The following KIRREL3 variants were observed in gnomAD, a reference collection of about 807,000 sequenced individuals.
KIRREL3 encodes kirre like nephrin family adhesion molecule 3.
In KIRREL3, 36 loss-of-function variants were observed where a neutral mutation model predicts 89.7. That is an observed-to-expected ratio of 0.40 (90% CI 0.31 to 0.53). The LOEUF is 0.53. KIRREL3 is among the 20% of genes least tolerant of loss of function. The pLI, the probability that KIRREL3 is intolerant of heterozygous loss-of-function variation, is 0.49. For synonymous variants in KIRREL3, 445 were observed against 441.4 expected, an observed-to-expected ratio of 1.01 and a Z score of -0.10; for missense variants, 864 against 1,056.6, an observed-to-expected ratio of 0.82 and a Z score of 2.53.
Position 126,991,847 on chromosome 11 carries a change from G to A in KIRREL3, c.55+8608C>T, listed in dbSNP as rs1468953147. Among the ~76,000 whole-genome samples the A allele has an allele frequency of 6.6e-6, 1 of 152,184 alleles. No homozygotes were observed. The highest frequency in any genetic ancestry group is 1.9e-4 in the East Asian group (1 of 5,192). On this transcript the variant is annotated intron_variant, in intron 1 of 16. Transcript: ENST00000525144. This position sits in a 1 kb window ranked among gnomAD's most constrained non-coding sequence, Gnocchi z 5.8. ...CTCTCCTGCATTTTTTAGTGTTGAT[G>A]TGGAACAGCTGGATGTACCAGCATC...
At position 126,457,194 on chromosome 11, in the gene KIRREL3, T is replaced by TGTGTGTGTGTGTGTGTGTGTGTGTA. The variant is rs1555111653; in HGVS notation, c.743-741_743-740insTACACACACACACACACACACACAC. 6.9e-4 allele frequency among the ~76,000 whole-genome samples: 87 copies of TGTGTGTGTGTGTGTGTGTGTGTGTA among 125,970 alleles called. No individual in the cohort carries two copies. In the East Asian group the frequency reaches 0.02, roughly 29 times the overall value. 82.6% of individuals were successfully genotyped at this position (125,970 alleles called of 152,430 possible). On this transcript the variant is annotated intron_variant, in intron 6 of 16. Transcript: ENST00000525144. The stretch of plus-strand genomic sequence containing the variant: ...TAGAGGAAGAGAGATTATGTGTGTG[T>TGTGTGTGTGTGTGTGTGTGTGTGTA]GTGTGTGTGTGTGTGTATGTGTATG...
Position 126,656,304 on chromosome 11 carries a change from T to G in KIRREL3, c.56-93392A>C. On this transcript the variant is annotated intron_variant, in intron 1 of 16. Transcript: ENST00000525144. The surrounding 1 kb of genome is among the most constrained non-coding windows in gnomAD (Gnocchi z 4.0). ...AACCTCCATGATTCAGTTTCTTCAT[T>G]TGCAAAATAATTTAAATAAGATAAT... 1 of 331,306 alleles carries G rather than the reference T, an allele frequency of 3.0e-6. No individual in the cohort carries two copies. The highest frequency in any genetic ancestry group is 6.2e-6 in the Non-Finnish European group (1 of 162,540). The allele number at this position is 331,306 out of a possible 1,614,324, so 20.5% of individuals were successfully genotyped here.
chr11:126,441,053 G>A lies in KIRREL3; in HGVS notation c.1253-504C>T, dbSNP rs1394653390. ...ACAAATGGGAGCTGCTCGGCCAGAC[G>A]GGCCAACGGGAAGAAATGGTTGCTG... On this transcript the variant is annotated intron_variant, in intron 10 of 16. Transcript: ENST00000525144. This position sits in a 1 kb window ranked among gnomAD's most constrained non-coding sequence, Gnocchi z 5.0. 6.6e-6 allele frequency among the ~76,000 whole-genome samples: 1 copy of A among 152,228 alleles called. No individual in the cohort carries two copies. Among genetic ancestry groups the A allele is most frequent in the African/African-American group, 2.4e-5 (1 of 41,458 alleles).
At chr11:126,841,538 C>T (rs1340400757) in intron 1 of KIRREL3, among the ~76,000 whole-genome samples, 1 of 152,200 alleles carries the variant, frequency 6.6e-6, no homozygotes, top group African/African-American at 2.4e-5. Flanking sequence ...ATTCATTATT[C>T]GTTTACAGGT....
rs1387887644 is a variant in KIRREL3 at position 126,956,660 on chromosome 11, C to T, written c.55+43795G>A. On this transcript the variant is annotated intron_variant, in intron 1 of 16. Coordinates refer to ENST00000525144, the MANE Select transcript of KIRREL3 (RefSeq NM_032531.4). ...ATTTTCTTTCCCCTGGAATGTGTCACAGTCATTAATTTGTTTAATTTATTT... is the reference window on the plus strand; with the variant it reads ...ATTTTCTTTCCCCTGGAATGTGTCATAGTCATTAATTTGTTTAATTTATTT... Among the ~76,000 whole-genome samples, 6 of 152,302 alleles carry T rather than the reference C, an allele frequency of 3.9e-5. No individual in the cohort carries two copies. In the South Asian group the frequency reaches 8.3e-4, roughly 21 times the overall value.
At position 126,978,151 on chromosome 11, in the gene KIRREL3, A is replaced by G. The variant is rs1382043572; in HGVS notation, c.55+22304T>C. 6.6e-6 allele frequency among the ~76,000 whole-genome samples: 1 copy of G among 152,130 alleles called. No homozygotes were observed. Among genetic ancestry groups the G allele is most frequent in the African/African-American group, 2.4e-5 (1 of 41,422 alleles). ...GGCGTTGGATTTTTCTGCTACTTAA[A>G]TTTATGATGATGCAGGGCATGCAGG... On this transcript the variant is annotated intron_variant, in intron 1 of 16. Transcript: ENST00000525144. The surrounding 1 kb of genome is among the most constrained non-coding windows in gnomAD (Gnocchi z 4.2).
chr11:126,636,807 A>G lies in KIRREL3; in HGVS notation c.56-73895T>C, dbSNP rs1274278143. Among the ~76,000 whole-genome samples the G allele has an allele frequency of 8.5e-5, 13 of 152,184 alleles. No homozygotes were observed. The highest frequency in any genetic ancestry group is 1.3e-4 in the Non-Finnish European group (9 of 68,038). ...AGGAGTCCGGATGATCTGGACTTGA[A>G]TTTGTATCCCGGTTTAACCACTTAC... On this transcript the variant is annotated intron_variant, in intron 1 of 16. Coordinates refer to ENST00000525144, the MANE Select transcript of KIRREL3 (RefSeq NM_032531.4). This position sits in a 1 kb window ranked among gnomAD's most constrained non-coding sequence, Gnocchi z 4.4.
At chr11:126,460,519 C>T (rs1170596905) in intron 6 of KIRREL3, among the ~76,000 whole-genome samples, 1 of 152,192 alleles carries the variant, frequency 6.6e-6, no homozygotes. Context: ...TTCACCACTA[C>T]CCAGTACTGC....
At chr11:126,695,622 C>T (rs1325383317) in intron 1 of KIRREL3, among the ~76,000 whole-genome samples, 1 of 152,052 alleles carries the variant, frequency 6.6e-6, no homozygotes, top group African/African-American at 2.4e-5. Context: ...TTGACTCCTG[C>T]TCCAGGATGA....
At position 126,606,298 on chromosome 11, in the gene KIRREL3, G is replaced by A. The variant is rs979946517; in HGVS notation, c.56-43386C>T. On this transcript the variant is annotated intron_variant, in intron 1 of 16. Coordinates refer to ENST00000525144, the MANE Select transcript of KIRREL3 (RefSeq NM_032531.4). This position sits in a 1 kb window ranked among gnomAD's most constrained non-coding sequence, Gnocchi z 4.6. ...GATCTGGAGTGTGGGTTTGGATTTCGGGTGTATCACTTACTAGCTGTGTCA... is the reference window on the plus strand; with the variant it reads ...GATCTGGAGTGTGGGTTTGGATTTCAGGTGTATCACTTACTAGCTGTGTCA... Among the ~76,000 whole-genome samples the A allele has an allele frequency of 1.3e-5, 2 of 152,102 alleles. No homozygotes were observed. Among genetic ancestry groups the A allele is most frequent in the South Asian group, 2.1e-4 (1 of 4,820 alleles).
At position 126,594,389 on chromosome 11, in the gene KIRREL3, G is replaced by T. The variant is rs576922483; in HGVS notation, c.56-31477C>A. Among the ~76,000 whole-genome samples, 1 of 152,306 alleles carries T rather than the reference G, an allele frequency of 6.6e-6. No individual in the cohort carries two copies. The highest frequency in any genetic ancestry group is 2.1e-4 in the South Asian group (1 of 4,824). On this transcript the variant is annotated intron_variant, in intron 1 of 16. Transcript: ENST00000525144. The surrounding 1 kb of genome is among the most constrained non-coding windows in gnomAD (Gnocchi z 5.0). ...ACCAGAAGCTCCTCGAGGAAACTCTGCGCCCTTTAGACTCCAATCTTCTTG... is the reference window on the plus strand; with the variant it reads ...ACCAGAAGCTCCTCGAGGAAACTCTTCGCCCTTTAGACTCCAATCTTCTTG...
In KIRREL3 at chr11:126,697,910, G is replaced by A. The variant is rs1947163752; in HGVS notation, c.56-134998C>T. Among the ~76,000 whole-genome samples the A allele has an allele frequency of 6.6e-6, 1 of 152,230 alleles. No homozygotes were observed. Among genetic ancestry groups the A allele is most frequent in the Admixed American group, 6.5e-5 (1 of 15,280 alleles). On this transcript the variant is annotated intron_variant, in intron 1 of 16. Coordinates refer to ENST00000525144, the MANE Select transcript of KIRREL3 (RefSeq NM_032531.4). This position sits in a 1 kb window ranked among gnomAD's most constrained non-coding sequence, Gnocchi z 4.2. Reference sequence around the variant, plus strand: ...AGAGTGAAGGAAGAAGAGAGGGAAAGTGATGAGAAGAGAGAGCCAGGGAGG... The same window carrying A: ...AGAGTGAAGGAAGAAGAGAGGGAAAATGATGAGAAGAGAGAGCCAGGGAGG...
rs529613547 is a variant in KIRREL3 at position 126,771,397 on chromosome 11, G to A, written c.56-208485C>T. ...TCCTTTCCACTCTACAATGCTCCCTGCACTGTGCCCTGCCTGGAATCTCCT... is the reference window on the plus strand; with the variant it reads ...TCCTTTCCACTCTACAATGCTCCCTACACTGTGCCCTGCCTGGAATCTCCT... On this transcript the variant is annotated intron_variant, in intron 1 of 16. Coordinates refer to ENST00000525144, the MANE Select transcript of KIRREL3 (RefSeq NM_032531.4). The surrounding 1 kb of genome is among the most constrained non-coding windows in gnomAD (Gnocchi z 4.4). Among the ~76,000 whole-genome samples, 10 of 152,056 alleles carry A rather than the reference G, an allele frequency of 6.6e-5. No individual in the cohort carries two copies. The highest frequency in any genetic ancestry group is 5.8e-4 in the East Asian group (3 of 5,180).
At chr11:126,992,427 C>T (rs1950059941) in intron 1 of KIRREL3, 1 of 152,210 alleles carries the variant, frequency 6.6e-6, no homozygotes, top group African/African-American at 2.4e-5. Flanking sequence ...ATGGAAATAA[C>T]ACTGTCTATT....
At position 126,924,241 on chromosome 11, in the gene KIRREL3, G is replaced by A. The variant is rs1283380273; in HGVS notation, c.55+76214C>T. ...TTGACCTGAATGCATCCACGCAACTGGTTTTCCCACCTTCAGTTTTCCCTT... is the reference window on the plus strand; with the variant it reads ...TTGACCTGAATGCATCCACGCAACTAGTTTTCCCACCTTCAGTTTTCCCTT... On this transcript the variant is annotated intron_variant, in intron 1 of 16. Coordinates refer to ENST00000525144, the MANE Select transcript of KIRREL3 (RefSeq NM_032531.4). This position sits in a 1 kb window ranked among gnomAD's most constrained non-coding sequence, Gnocchi z 4.7. 6.6e-6 allele frequency among the ~76,000 whole-genome samples: 1 copy of A among 152,052 alleles called. No homozygotes were observed. The highest frequency in any genetic ancestry group is 1.5e-5 in the Non-Finnish European group (1 of 68,006).
intron 1 of KIRREL3, among the ~76,000 whole-genome samples, chr11:126,800,993 CT>C (rs1159920780): frequency 6.6e-6 from 1 of 152,188 alleles, no homozygotes; most frequent in South Asian, 2.1e-4. Flanking sequence ...GGGAACACTG[CT>C]TTAGCAGCTG....
intron 1 of KIRREL3, among the ~76,000 whole-genome samples, chr11:126,826,818 C>T (rs779737057): frequency 1.3e-5 from 2 of 152,182 alleles, no homozygotes; most frequent in Admixed American, 6.5e-5. Flanking sequence ...GTATCTATCA[C>T]GATGCTTAAA....
intron 1 of KIRREL3, among the ~76,000 whole-genome samples, chr11:126,613,466 C>G (rs1943213851): frequency 6.6e-6 from 1 of 152,186 alleles, no homozygotes; most frequent in Non-Finnish European, 1.5e-5. Flanking sequence ...TCCACCCACT[C>G]TGCAATCATT....
chr11:126,435,348 C>T (rs777362346), intron 12 of KIRREL3, 45 bp from the exon 13 acceptor site: 5 of 1,605,580 alleles, frequency 3.1e-6, no homozygotes, highest in Admixed American at 3.3e-5. Flanking sequence ...GCCTGGCTGG[C>T]CAGGGTGGGG....
Sources: gnomAD v4.1 joint callset for allele counts (sites outside exome capture counted in the v4.1 genomes callset) on GRCh38, gnomAD v4.1.1 for gene constraint, Gnocchi (gnomAD v3.1) non-coding constraint, MANE v1.5 for transcripts, NCBI Gene and HGNC (gene_info 2026-07-23, HGNC 2026-07-21) for gene names.